The following ROBO1 variants were observed in gnomAD, a reference collection of about 807,000 sequenced individuals.
ROBO1 encodes the protein roundabout homolog 1.
A neutral mutation model predicts 195.9 loss-of-function variants in ROBO1; 149 were observed. That is an observed-to-expected ratio of 0.76 (90% CI 0.67 to 0.87). The LOEUF (loss-of-function observed/expected upper bound fraction) is 0.87. Ranked by LOEUF, ROBO1 falls within the 40% of genes least tolerant of loss-of-function variation. ROBO1 has a pLI of 0.00. For missense variants in ROBO1, 1,933 were observed against 2,068.3 expected (o/e 0.93, Z 1.27); for synonymous variants, 816 against 733.2 (o/e 1.11, Z -1.82).
rs185642490 is a variant in ROBO1, at chr3:78,609,066, T to A, written c.4436-2025A>T. Among the ~76,000 whole-genome samples the A allele has an allele frequency of 2.2e-4, 34 of 152,330 alleles. 1 individual carries two copies. The highest frequency in any genetic ancestry group is 7.7e-4 in the African/African-American group (32 of 41,580). Reference sequence around the variant, plus strand: ...TGGAATTATCAGCATAGCTATGTTTTTAAGTCATGTCTTTAGAAATGGTAA... The same window carrying A: ...TGGAATTATCAGCATAGCTATGTTTATAAGTCATGTCTTTAGAAATGGTAA... On this transcript the variant is annotated intron_variant, in intron 28 of 30. Coordinates refer to ENST00000464233, the MANE Select transcript of ROBO1 (RefSeq NM_002941.4).
intron 5 of ROBO1, among the ~76,000 whole-genome samples, chr3:78,731,862 C>T (rs182924979): frequency 3.3e-5 from 5 of 151,924 alleles, no homozygotes; most frequent in African/African-American, 9.7e-5. Flanking sequence ...CTGCAGTACA[C>T]GAAAAATGCA....
rs536759429 is a variant in ROBO1 at position 79,589,447 on chromosome 3, G to A, written c.88+377C>T. On this transcript the variant is annotated intron_variant, in intron 2 of 30. Coordinates refer to ENST00000464233, the MANE Select transcript of ROBO1 (RefSeq NM_002941.4). ...TCAGTTTTCAATGTTTCACTTTTCT[G>A]ATGTTCCTTTTCTATGGTACCGACA... is the stretch of plus-strand genomic sequence containing the variant. Among the ~76,000 whole-genome samples the A allele has an allele frequency of 2.0e-5, 3 of 151,744 alleles. No homozygotes were observed. The South Asian group carries it at 6.2e-4, about 32-fold the overall frequency.
At chr3:79,670,577 A>T (rs1224341697) in intron 1 of ROBO1, among the ~76,000 whole-genome samples, 1 of 151,854 alleles carries the variant, frequency 6.6e-6, no homozygotes, top group Non-Finnish European at 1.5e-5. Context: ...ACCTAGCTAA[A>T]CCATCAAAGT....
intron 11 of ROBO1, 104 bp downstream of exon 11, chr3:78,669,992 T>C: frequency 2.5e-6 from 2 of 784,460 alleles, no homozygotes; most frequent in Non-Finnish European, 4.0e-6. Context: ...CTACTCTTCA[T>C]TTAACACTTC....
chr3:79,111,255 G>A (rs984782142), intron 3 of ROBO1, among the ~76,000 whole-genome samples: 1 of 152,140 alleles, frequency 6.6e-6, no homozygotes, highest in Non-Finnish European at 1.5e-5. Context: ...TTGCTGGATT[G>A]AGGCTGCCAA....
At chr3:79,488,581 C>G (rs181541530) in intron 2 of ROBO1, among the ~76,000 whole-genome samples, 1 of 152,206 alleles carries the variant, frequency 6.6e-6, no homozygotes. Context: ...CCAAAGTACT[C>G]GTCTATGGTA....
chr3:79,153,748 TATATA>T (rs1412601641), intron 2 of ROBO1, among the ~76,000 whole-genome samples: 7 of 147,980 alleles, frequency 4.7e-5, no homozygotes, highest in South Asian at 2.1e-4. Context: ...ATAGTATTTA[TATATA>T]ATATAAATAT....
chr3:79,331,710 C>T (rs979402273), intron 2 of ROBO1, among the ~76,000 whole-genome samples: 1 of 151,908 alleles, frequency 6.6e-6, no homozygotes, highest in Admixed American at 6.6e-5. Flanking sequence ...CTAGGAAATC[C>T]CCCGTTCATG....
chr3:78,953,968 T>C (rs187055649), intron 3 of ROBO1, among the ~76,000 whole-genome samples: 2 of 152,198 alleles, frequency 1.3e-5, no homozygotes, highest in African/African-American at 4.8e-5. Flanking sequence ...TTTCTGGAAT[T>C]ACATTAGGAT....
chr3:78,675,023 T>C (rs1255646774), intron 10 of ROBO1, among the ~76,000 whole-genome samples: 1 of 152,140 alleles, frequency 6.6e-6, no homozygotes, highest in Non-Finnish European at 1.5e-5. Context: ...TACTAGCTTA[T>C]TGGAGCCAGT....
chr3:79,054,918 T>C (rs2078774649), intron 3 of ROBO1, among the ~76,000 whole-genome samples: 1 of 152,106 alleles, frequency 6.6e-6, no homozygotes, highest in African/African-American at 2.4e-5. Context: ...CACAAACAAA[T>C]TTATCTACAG....
In ROBO1 at chr3:78,776,944, ACT is replaced by A. The variant is rs375173122; in HGVS notation, c.500-30046_500-30045del. Among the ~76,000 whole-genome samples the A allele has an allele frequency of 2.9e-3, 437 of 152,344 alleles. 2 individuals carry two copies. The highest frequency in any genetic ancestry group is 8.6e-3 in the African/African-American group (357 of 41,590). On this transcript the variant is annotated intron_variant, in intron 4 of 30. Transcript: ENST00000464233. ...ACACACTTAAAAAGGTGCCCAGTAC[ACT>A]GAGTAACACCTAGGACTATTAGCTT... is the stretch of plus-strand genomic sequence containing the variant.
chr3:79,596,937 C>T (rs1349897557), intron 1 of ROBO1, among the ~76,000 whole-genome samples: 1 of 151,860 alleles, frequency 6.6e-6, no homozygotes, highest in Non-Finnish European at 1.5e-5. Context: ...GGTGAATGGA[C>T]TCTTACAAAC....
At chr3:79,345,181 C>G (rs1342789667) in intron 2 of ROBO1, among the ~76,000 whole-genome samples, 1 of 152,162 alleles carries the variant, frequency 6.6e-6, no homozygotes, top group Non-Finnish European at 1.5e-5. Context: ...CAACTGGGTA[C>G]ATTTCAGTGT....
chr3:78,975,764 T>C (rs993253943), intron 3 of ROBO1, among the ~76,000 whole-genome samples: 1 of 152,136 alleles, frequency 6.6e-6, no homozygotes, highest in Middle Eastern at 3.2e-3. Flanking sequence ...CTGAAATTAA[T>C]TCGTCCACCT....
chr3:79,137,789 C>T (rs1289856657), intron 2 of ROBO1, among the ~76,000 whole-genome samples: 1 of 151,982 alleles, frequency 6.6e-6, no homozygotes, highest in African/African-American at 2.4e-5. Flanking sequence ...CACACCATGA[C>T]CTCCTTTTAT....
chr3:79,479,248 G>T (rs1360119564), intron 2 of ROBO1, among the ~76,000 whole-genome samples: 2 of 152,184 alleles, frequency 1.3e-5, no homozygotes, highest in African/African-American at 4.8e-5. Context: ...TTCCACGGAT[G>T]GGGTGATGGG....
intron 9 of ROBO1, 31 bp downstream of exon 9, chr3:78,688,617 T>TA: frequency 6.5e-7 from 1 of 1,539,638 alleles, no homozygotes; most frequent in Non-Finnish European, 8.7e-7. Context: ...CTTTGCTGAT[T>TA]TAAAAAAAAA....
At chr3:78,864,047 T>C (rs1460783869) in intron 4 of ROBO1, among the ~76,000 whole-genome samples, 1 of 152,362 alleles carries the variant, frequency 6.6e-6, no homozygotes, top group Middle Eastern at 3.4e-3. Context: ...TGCTGCTTTC[T>C]ATGCTATTTA....
Sources: gnomAD v4.1 joint callset for allele counts (sites outside exome capture counted in the v4.1 genomes callset) on GRCh38, gnomAD v4.1.1 for gene constraint, MANE v1.5 for transcripts, NCBI Gene and HGNC (gene_info 2026-07-23, HGNC 2026-07-21) for gene names.